The following SH3KBP1 variants were observed in gnomAD, a reference collection of about 807,000 sequenced individuals.
The protein encoded by SH3KBP1 is SH3 domain containing kinase binding protein 1.
Under a neutral mutation model 50.1 loss-of-function variants are expected in SH3KBP1, and 8 were observed. The observed-to-expected ratio is 0.16, with a 90% CI of 0.09 to 0.29. The LOEUF is 0.29. Ranked by LOEUF, SH3KBP1 falls within the 10% of genes least tolerant of loss-of-function variation. The pLI, the probability that SH3KBP1 is intolerant of heterozygous loss-of-function variation, is 1.00. For synonymous variants in SH3KBP1, 227 were observed against 218.6 expected, an observed-to-expected ratio of 1.04 and a Z score of -0.34; for missense variants, 377 against 535.2, an observed-to-expected ratio of 0.70 and a Z score of 2.92.
intron 6 of SH3KBP1, among the ~76,000 whole-genome samples, chrX:19,665,022 CTT>C (rs1184858587): frequency 2.7e-5 from 3 of 112,025 alleles, no homozygotes; most frequent in African/African-American, 9.7e-5. Context: ...CACTACTCCT[CTT>C]GTTATCGACT....
intron 5 of SH3KBP1, among the ~76,000 whole-genome samples, chrX:19,685,360 C>T (rs1202854952): frequency 8.9e-6 from 1 of 112,484 alleles, no homozygotes; most frequent in African/African-American, 3.2e-5. Context: ...ACTGCTAACA[C>T]GTTTCAGAAT....
In SH3KBP1 at chrX:19,707,237, CA is replaced by C. The variant is rs2063671106; in HGVS notation, c.287-254del. 9 of 439,225 alleles carry C rather than the reference CA, an allele frequency of 2.0e-5. No individual in the cohort carries two copies. In the East Asian group the frequency reaches 3.8e-4, roughly 18 times the overall value. The allele number at this position is 439,225 out of a possible 1,213,427, so 36.2% of individuals were successfully genotyped here. Reference sequence around the variant, plus strand: ...GAAACCGATCCATTGGTGCAGAAGGCAAATACCCCACCCCTGAAGCACTGGA... The same window carrying C: ...GAAACCGATCCATTGGTGCAGAAGGCAATACCCCACCCCTGAAGCACTGGA... On this transcript the variant is annotated intron_variant, in intron 3 of 17. Coordinates refer to ENST00000397821, the MANE Select transcript of SH3KBP1 (RefSeq NM_031892.3).
chrX:19,844,332 G>C (rs1408425028), intron 1 of SH3KBP1, among the ~76,000 whole-genome samples: 2 of 111,601 alleles, frequency 1.8e-5, no homozygotes, highest in African/African-American at 6.5e-5. Flanking sequence ...TGCACCATAC[G>C]ACACCAGGAG....
Position 19,550,043 on chromosome X carries a change from T to C in SH3KBP1, c.1425A>G (p.Lys475=). ...GTCTGCTTGTGGTCGGATGACTGAG[T>C]TTCTCAGTAGATGATACCACGGAGT... ...GFDSVVSSTE[K]LSHPTTSRPK... Residue 475 remains lysine (K), a synonymous_variant, in exon 14 of 18, where the codon AAA becomes AAG. Transcript: ENST00000397821. The C allele has an allele frequency of 8.3e-7, 1 of 1,209,224 alleles. No homozygotes were observed. The highest frequency in any genetic ancestry group is 1.1e-6 in the Non-Finnish European group (1 of 893,975).
Position 19,535,312 on chromosome X carries a change from A to C in SH3KBP1, c.*1105T>G. The C allele has an allele frequency of 1.8e-5, 4 of 217,752 alleles. No individual in the cohort carries two copies. Among genetic ancestry groups the C allele is most frequent in the Non-Finnish European group, 3.3e-5 (4 of 120,016 alleles). The allele number at this position is 217,752 out of a possible 1,213,427, so 17.9% of individuals were successfully genotyped here. ...TCTTGGACCTGAGGAAGGGGTTACA[A>C]GTGAGCAAGGCAAATGACATTATGT... On this transcript the variant is annotated 3_prime_UTR_variant, in exon 18 of 18. Coordinates refer to ENST00000397821, the MANE Select transcript of SH3KBP1 (RefSeq NM_031892.3).
At chrX:19,760,041 C>CCTCTCCCTCTCCCT (rs1556346157) in intron 2 of SH3KBP1, among the ~76,000 whole-genome samples, 4 of 50,459 alleles carry the variant, frequency 7.9e-5, no homozygotes, top group African/African-American at 3.7e-4. Context: ...TCTCTCTCTC[C>CCTCTCCCTCTCCCT]CTCTCTCTCT....
chrX:19,630,750 T>C (rs977705140), intron 8 of SH3KBP1, among the ~76,000 whole-genome samples: 2 of 112,191 alleles, frequency 1.8e-5, no homozygotes, highest in Non-Finnish European at 3.8e-5. Flanking sequence ...AGTTAACTTC[T>C]TGGGTCATTA....
intron 1 of SH3KBP1, among the ~76,000 whole-genome samples, chrX:19,845,377 C>A (rs747729034): frequency 1.9e-5 from 2 of 107,261 alleles, no homozygotes; most frequent in African/African-American, 6.8e-5. Context: ...ACTCGGGAGG[C>A]TGAGGCAGGA....
chrX:19,666,465 G>A, intron 6 of SH3KBP1, among the ~76,000 whole-genome samples: 1 of 110,801 alleles, frequency 9.0e-6, no homozygotes, highest in Non-Finnish European at 1.9e-5. Flanking sequence ...GGGAACAGTG[G>A]GGCTGTGTTC....
chrX:19,669,945 A>C (rs2062742792), intron 6 of SH3KBP1, among the ~76,000 whole-genome samples: 1 of 110,044 alleles, frequency 9.1e-6, no homozygotes, highest in Admixed American at 9.7e-5. Context: ...ACAGAAAAAG[A>C]CATAAAGGGA....
At chrX:19,789,366 T>C (rs1269730892) in intron 2 of SH3KBP1, among the ~76,000 whole-genome samples, 1 of 111,021 alleles carries the variant, frequency 9.0e-6, no homozygotes, top group Non-Finnish European at 1.9e-5. Flanking sequence ...GGGACCTGAC[T>C]TGCTAAAAGC....
At chrX:19,760,041 CCTCTCTCTCTCTCTCT>C (rs745515349) in intron 2 of SH3KBP1, among the ~76,000 whole-genome samples, 5 of 50,459 alleles carry the variant, frequency 9.9e-5, no homozygotes, top group African/African-American at 2.8e-4. Context: ...TCTCTCTCTC[CCTCTCTCTCTCTCTCT>C]CTCTCTCTCT....
At chrX:19,719,580 A>C (rs1205727032) in intron 3 of SH3KBP1, among the ~76,000 whole-genome samples, 3 of 111,419 alleles carry the variant, frequency 2.7e-5, no homozygotes, top group Non-Finnish European at 5.6e-5. Flanking sequence ...TGCCATGAGC[A>C]TGAAGAACTC....
intron 1 of SH3KBP1, among the ~76,000 whole-genome samples, chrX:19,847,154 C>T (rs960421482): frequency 9.0e-6 from 1 of 111,459 alleles, no homozygotes; most frequent in Non-Finnish European, 1.9e-5. Context: ...AGATAGCAGA[C>T]AGTGAGGTAA....
At chrX:19,626,261 T>A (rs1362339011) in intron 8 of SH3KBP1, among the ~76,000 whole-genome samples, 1 of 111,388 alleles carries the variant, frequency 9.0e-6, no homozygotes, top group Non-Finnish European at 1.9e-5. Context: ...CCTCACAGCA[T>A]GTCTAGCTCC....
chrX:19,595,218 T>C (rs745450573), intron 9 of SH3KBP1, among the ~76,000 whole-genome samples: 1 of 111,934 alleles, frequency 8.9e-6, no homozygotes, highest in Non-Finnish European at 1.9e-5. Context: ...AATCGACAAA[T>C]GAAACGCCAT....
chrX:19,835,292 C>T (rs1474938241), intron 2 of SH3KBP1, among the ~76,000 whole-genome samples: 1 of 110,347 alleles, frequency 9.1e-6, no homozygotes, highest in East Asian at 2.8e-4. Flanking sequence ...CACCACCATG[C>T]CTGGCTAATT....
At chrX:19,644,483 A>G (rs1163694750) in intron 7 of SH3KBP1, among the ~76,000 whole-genome samples, 9 of 111,897 alleles carry the variant, frequency 8.0e-5, no homozygotes, top group African/African-American at 2.9e-4. Context: ...AAATATATAC[A>G]CTTACTATGT....
rs757478417 is a variant in SH3KBP1 at position 19,570,862 on chromosome X, A to C, written c.1299-1674T>G. Among the ~76,000 whole-genome samples the C allele has an allele frequency of 3.3e-3, 372 of 111,965 alleles. 4 individuals are homozygous for C. Among genetic ancestry groups the C allele is most frequent in the African/African-American group, 0.011 (350 of 30,822 alleles). On this transcript the variant is annotated intron_variant, in intron 12 of 17. Transcript: ENST00000397821. ...TCCCAGCTACTTGGGAGGCTGAGGC[A>C]GGAAGATCACCTGAGCCCAGGGAAG...
Sources: gnomAD v4.1 joint callset for allele counts (sites outside exome capture counted in the v4.1 genomes callset) on GRCh38, gnomAD v4.1.1 for gene constraint, MANE v1.5 for transcripts, NCBI Gene and HGNC (gene_info 2026-07-23, HGNC 2026-07-21) for gene names.